Variants in WWC2 observed in about 807,000 individuals in gnomAD.
The protein encoded by WWC2 is protein WWC2.
In WWC2, 101 loss-of-function variants were observed where a neutral mutation model predicts 138.5. The observed-to-expected ratio is 0.73, with a 90% confidence interval of 0.62 to 0.86. The LOEUF (loss-of-function observed/expected upper bound fraction) is 0.86, where lower values mean the gene tolerates loss of function less well. Among genes scored for constraint, WWC2 ranks in the 40% least tolerant of loss-of-function variants. The pLI, the probability that WWC2 is intolerant of heterozygous loss-of-function variation, is 0.00. For missense variants in WWC2, 1,420 were observed against 1,419.4 expected (o/e 1.00, Z -0.01); for synonymous variants, 558 against 538.4 (o/e 1.04, Z -0.50).
At chr4:183,184,044 T>C (rs1223064477) in intron 1 of WWC2, among the ~76,000 whole-genome samples, 1 of 152,204 alleles carries the variant, frequency 6.6e-6, no homozygotes, top group African/African-American at 2.4e-5. Flanking sequence ...TTCAGTGGCA[T>C]TGAGTACATT....
chr4:183,229,192 T>C (rs1162854005), intron 4 of WWC2, among the ~76,000 whole-genome samples: 1 of 152,096 alleles, frequency 6.6e-6, no homozygotes. Flanking sequence ...TTAAAGTTTT[T>C]TTACTTTCAG....
At chr4:183,133,707 G>A (rs1360974167) in intron 1 of WWC2, among the ~76,000 whole-genome samples, 1 of 152,150 alleles carries the variant, frequency 6.6e-6, no homozygotes, top group East Asian at 1.9e-4. Context: ...GTGTTGGCCA[G>A]GCTGGTCTTG....
intron 20 of WWC2, among the ~76,000 whole-genome samples, chr4:183,287,595 C>T (rs1045274350): frequency 3.9e-5 from 6 of 152,090 alleles, no homozygotes; most frequent in African/African-American, 1.2e-4. Flanking sequence ...TAAAAGTAGA[C>T]AGATATGGTT....
intron 1 of WWC2, among the ~76,000 whole-genome samples, chr4:183,137,805 C>T (rs891667163): frequency 6.6e-6 from 1 of 152,222 alleles, no homozygotes; most frequent in East Asian, 1.9e-4. Flanking sequence ...GGCCTATAGT[C>T]TTATGGAACC....
intron 17 of WWC2, among the ~76,000 whole-genome samples, chr4:183,282,185 C>T (rs1293448052): frequency 6.6e-6 from 1 of 152,304 alleles, no homozygotes; most frequent in East Asian, 1.9e-4. Context: ...ACTTATAATG[C>T]CACTTCAGCC....
intron 4 of WWC2, among the ~76,000 whole-genome samples, chr4:183,216,262 A>G (rs1258531003): frequency 2.0e-5 from 3 of 152,222 alleles, no homozygotes; most frequent in Non-Finnish European, 2.9e-5. Flanking sequence ...GGTGGTAGAC[A>G]TAATACTCTC....
chr4:183,257,200 A>G (rs1737179339), intron 9 of WWC2, among the ~76,000 whole-genome samples: 1 of 151,938 alleles, frequency 6.6e-6, no homozygotes, highest in Non-Finnish European at 1.5e-5. Flanking sequence ...GTAATTGCCA[A>G]GACGTCTTAA....
At chr4:183,229,058 G>A (rs556799450) in intron 4 of WWC2, among the ~76,000 whole-genome samples, 7 of 152,172 alleles carry the variant, frequency 4.6e-5, no homozygotes, top group African/African-American at 1.7e-4. Context: ...TAGGGAAAAG[G>A]GAAGGTTTAG....
intron 4 of WWC2, among the ~76,000 whole-genome samples, chr4:183,222,492 A>G (rs886785320): frequency 2.6e-5 from 4 of 152,098 alleles, no homozygotes; most frequent in African/African-American, 9.7e-5. Flanking sequence ...ATCTAGAGAA[A>G]ATTATAAAAC....
intron 17 of WWC2, among the ~76,000 whole-genome samples, chr4:183,282,032 AC>A (rs749052003): frequency 6.6e-6 from 1 of 152,204 alleles, no homozygotes; most frequent in East Asian, 1.9e-4. Context: ...TTAAAGCTGA[AC>A]ATTTAGTTAT....
intron 1 of WWC2, among the ~76,000 whole-genome samples, chr4:183,168,228 A>T (rs983889661): frequency 6.9e-6 from 1 of 145,704 alleles, no homozygotes; most frequent in Non-Finnish European, 1.5e-5. Context: ...CTACTGCGAG[A>T]TACAAAAAAG....
intron 2 of WWC2, chr4:183,203,412 C>G (rs1396399566): frequency 6.6e-6 from 1 of 151,910 alleles, no homozygotes; most frequent in Non-Finnish European, 1.5e-5. Flanking sequence ...TCCTGCACCT[C>G]TGTACCTCCT....
chr4:183,293,461 T>A (rs1738528082), intron 21 of WWC2, among the ~76,000 whole-genome samples: 2 of 152,208 alleles, frequency 1.3e-5, no homozygotes, highest in Admixed American at 6.5e-5. Flanking sequence ...TCCCAGTAAG[T>A]TAGAGACAGG....
intron 4 of WWC2, among the ~76,000 whole-genome samples, chr4:183,221,874 A>G (rs1004088769): frequency 1.2e-4 from 19 of 152,222 alleles, no homozygotes; most frequent in African/African-American, 4.6e-4. Flanking sequence ...TATTTAACAT[A>G]CTATCTAGCA....
chr4:183,173,563 G>A (rs1734355776), intron 1 of WWC2, among the ~76,000 whole-genome samples: 1 of 151,922 alleles, frequency 6.6e-6, no homozygotes, highest in South Asian at 2.1e-4. Flanking sequence ...TCCAGACACA[G>A]GAGACAGGAT....
chr4:183,286,624 A>C (rs1288248112), intron 20 of WWC2, among the ~76,000 whole-genome samples: 1 of 152,210 alleles, frequency 6.6e-6, no homozygotes, highest in East Asian at 1.9e-4. Flanking sequence ...TGGTCTGTTC[A>C]AGTAGTTCAG....
chr4:183,263,528 C>T (rs1045878175), intron 11 of WWC2, among the ~76,000 whole-genome samples: 2 of 152,172 alleles, frequency 1.3e-5, no homozygotes, highest in South Asian at 2.1e-4. Flanking sequence ...TAAAAAGTTA[C>T]CCTAAGAGAA....
intron 1 of WWC2, among the ~76,000 whole-genome samples, chr4:183,171,266 G>A (rs1734269969): frequency 6.6e-6 from 1 of 152,130 alleles, no homozygotes; most frequent in Non-Finnish European, 1.5e-5. Flanking sequence ...ACTCTTTATA[G>A]AATACTTTTC....
chr4:183,196,661 G>A (rs1444509650), intron 2 of WWC2, among the ~76,000 whole-genome samples: 1 of 152,150 alleles, frequency 6.6e-6, no homozygotes, highest in Non-Finnish European at 1.5e-5. Flanking sequence ...CCTGGCACTG[G>A]AGGCCTTTAG....
Sources: gnomAD v4.1 joint callset for allele counts (sites outside exome capture counted in the v4.1 genomes callset) on GRCh38, gnomAD v4.1.1 for gene constraint, MANE v1.5 for transcripts, NCBI Gene and HGNC (gene_info 2026-07-23, HGNC 2026-07-21) for gene names.